Variants in GARNL3 observed in about 807,000 individuals in gnomAD.
GARNL3 encodes GTPase-activating Rap/Ran-GAP domain-like protein 3.
In GARNL3, 63 loss-of-function variants were observed where a neutral mutation model predicts 125.0. That is an observed-to-expected ratio of 0.50 (90% CI 0.41 to 0.62). GARNL3 has a LOEUF of 0.62. Among genes scored for constraint, GARNL3 ranks in the 20% least tolerant of loss-of-function variants. GARNL3 has a pLI of 0.00. For synonymous variants in GARNL3, 439 were observed against 457.5 expected, an observed-to-expected ratio of 0.96 and a Z score of 0.52; for missense variants, 994 against 1,244.0, an observed-to-expected ratio of 0.80 and a Z score of 3.02.
chr9:127,257,759 G>A (rs1310351546), intron 2 of GARNL3, among the ~76,000 whole-genome samples: 1 of 152,196 alleles, frequency 6.6e-6, no homozygotes, highest in Non-Finnish European at 1.5e-5. Context: ...AAGAGAAAGG[G>A]AAAGGAACCC....
In GARNL3 at chr9:127,324,959, T is replaced by C. The variant is rs574079946; in HGVS notation, c.568-110T>C. On this transcript the variant is annotated intron_variant, in intron 6 of 27. Transcript: ENST00000373387. ...AAGCTCCTATAACCAACTTTTAAAA[T>C]TATTTTCAAAATGTCAGTGTGAGCA... 5.2e-6 allele frequency: 6 copies of C among 1,142,984 alleles called. No homozygotes were observed. The African/African-American group carries it at 6.2e-5, about 12-fold the overall frequency. 70.8% of individuals were successfully genotyped at this position (1,142,984 alleles called of 1,614,324 possible).
At chr9:127,250,280 C>G (rs1026003602) in intron 2 of GARNL3, among the ~76,000 whole-genome samples, 12 of 152,158 alleles carry the variant, frequency 7.9e-5, no homozygotes, top group Non-Finnish European at 1.8e-4. Flanking sequence ...CTTGTATACT[C>G]TGAGTTTTGA....
intron 1 of GARNL3, among the ~76,000 whole-genome samples, chr9:127,278,928 C>G (rs546129354): frequency 6.6e-6 from 1 of 152,314 alleles, no homozygotes; most frequent in Non-Finnish European, 1.5e-5. Flanking sequence ...GAATCACCCT[C>G]TCTTTTTCTC....
chr9:127,369,094 C>CT (rs1211805847), intron 22 of GARNL3: 1 of 145,250 alleles, frequency 6.9e-6, no homozygotes, highest in Non-Finnish European at 1.5e-5. Flanking sequence ...TACACTACTG[C>CT]TTTTTTATTA....
At chr9:127,360,852 A>G (rs1248492526) in intron 21 of GARNL3, among the ~76,000 whole-genome samples, 1 of 152,188 alleles carries the variant, frequency 6.6e-6, no homozygotes, top group Non-Finnish European at 1.5e-5. Context: ...ATCCTAGCTC[A>G]AGAGAGGAAA....
chr9:127,353,762 C>A, intron 17 of GARNL3, 84 bp from the exon 18 acceptor site: 1 of 905,822 alleles, frequency 1.1e-6, no homozygotes, highest in Non-Finnish European at 1.9e-6. Flanking sequence ...AACTTGGGTT[C>A]AAAACTACCC....
At chr9:127,265,923 CCTGA>C (rs1352130142) in intron 1 of GARNL3, among the ~76,000 whole-genome samples, 3 of 152,128 alleles carry the variant, frequency 2.0e-5, no homozygotes, top group African/African-American at 7.2e-5. Flanking sequence ...ATGTTATGGA[CCTGA>C]CTGTGTACCT....
Position 127,266,104 on chromosome 9 carries a change from T to C in GARNL3, c.144+1083T>C, listed in dbSNP as rs1169591634. ...CAGTTGATTCAGTCAACACCTGTTC[T>C]GTCTGTCACTGGTGACACCACACCA... On this transcript the variant is annotated intron_variant, in intron 1 of 27. Coordinates refer to ENST00000373387, the MANE Select transcript of GARNL3 (RefSeq NM_032293.5). The surrounding 1 kb of genome is among the most constrained non-coding windows in gnomAD (Gnocchi z 4.0). 2.0e-5 allele frequency among the ~76,000 whole-genome samples: 3 copies of C among 152,250 alleles called. No homozygotes were observed. The highest frequency in any genetic ancestry group is 4.4e-5 in the Non-Finnish European group (3 of 68,034).
chr9:127,245,256 A>G (rs2063279240), intron 2 of GARNL3: 1 of 152,340 alleles, frequency 6.6e-6, no homozygotes, highest in African/African-American at 2.4e-5. Context: ...TGGAGAGCCT[A>G]TGAGCACAGC....
chr9:127,244,939 G>C (rs1460155555), intron 2 of GARNL3, among the ~76,000 whole-genome samples: 1 of 152,230 alleles, frequency 6.6e-6, no homozygotes, highest in Admixed American at 6.5e-5. Context: ...AATTATCTGA[G>C]CAAGATGGAC....
chr9:127,232,188 A>G (rs761809274), intron 1 of GARNL3, among the ~76,000 whole-genome samples: 1 of 152,182 alleles, frequency 6.6e-6, no homozygotes, highest in Admixed American at 6.5e-5. Context: ...TGCAGTACCA[A>G]TGTTCGTAGG....
intron 2 of GARNL3, among the ~76,000 whole-genome samples, chr9:127,252,251 G>T (rs1212038195): frequency 1.3e-5 from 2 of 152,150 alleles, no homozygotes; most frequent in Non-Finnish European, 2.9e-5. Flanking sequence ...AAAGAACTAA[G>T]AGGGTAGAGG....
chr9:127,344,854 G>A (rs371155742), intron 15 of GARNL3, among the ~76,000 whole-genome samples: 2 of 152,130 alleles, frequency 1.3e-5, no homozygotes, highest in East Asian at 1.9e-4. Context: ...TGCCCCGCTC[G>A]CATGTGACAC....
intron 22 of GARNL3, among the ~76,000 whole-genome samples, chr9:127,379,578 T>A (rs1289605156): frequency 6.6e-6 from 1 of 152,194 alleles, no homozygotes; most frequent in East Asian, 1.9e-4. Flanking sequence ...AGGCAATTAT[T>A]TTAAGACATA....
At chr9:127,275,996 T>G (rs1271857914) in intron 1 of GARNL3, among the ~76,000 whole-genome samples, 1 of 152,214 alleles carries the variant, frequency 6.6e-6, no homozygotes. Flanking sequence ...TTGCTCCTTG[T>G]AATGGTTCCA....
chr9:127,352,586 C>G (rs1830474438), intron 17 of GARNL3, among the ~76,000 whole-genome samples: 1 of 152,190 alleles, frequency 6.6e-6, no homozygotes, highest in African/African-American at 2.4e-5. Flanking sequence ...GATGAGCTAT[C>G]ATAAAATTTA....
chr9:127,270,729 CACTT>C (rs1052675223), intron 1 of GARNL3, among the ~76,000 whole-genome samples: 3 of 152,136 alleles, frequency 2.0e-5, no homozygotes, highest in African/African-American at 7.2e-5. Flanking sequence ...TTTCATTTAC[CACTT>C]ACTTACTACT....
chr9:127,235,513 T>G (rs778224310), intron 1 of GARNL3, among the ~76,000 whole-genome samples: 5 of 152,222 alleles, frequency 3.3e-5, no homozygotes, highest in Admixed American at 1.3e-4. Flanking sequence ...TGGTAGACTT[T>G]GATTAATTGT....
At chr9:127,340,524 G>A (rs1429867329) in intron 13 of GARNL3, among the ~76,000 whole-genome samples, 1 of 151,800 alleles carries the variant, frequency 6.6e-6, no homozygotes, top group Non-Finnish European at 1.5e-5. Context: ...CTCCTGCCAG[G>A]TATGCTGGGC....
Sources: allele counts gnomAD v4.1 joint callset (sites outside exome capture counted in the v4.1 genomes callset), GRCh38; gene constraint gnomAD v4.1.1; non-coding constraint Gnocchi (gnomAD v3.1); transcripts MANE v1.5; gene names NCBI Gene and HGNC (gene_info 2026-07-23, HGNC 2026-07-21).